The following PPM1L variants were observed in gnomAD, a reference collection of about 807,000 sequenced individuals.
The protein encoded by PPM1L is protein phosphatase, Mg2+/Mn2+ dependent 1L.
Under a neutral mutation model 31.4 loss-of-function variants are expected in PPM1L, and 13 were observed. The ratio of observed to expected loss-of-function variants is 0.41; its 90% CI spans 0.27 to 0.66. The LOEUF (loss-of-function observed/expected upper bound fraction) is 0.66, where lower values mean the gene tolerates loss of function less well. Among genes scored for constraint, PPM1L ranks in the 30% least tolerant of loss-of-function variants. The pLI, the probability that PPM1L is intolerant of heterozygous loss-of-function variation, is 0.29. For missense variants in PPM1L, 326 were observed against 453.7 expected (o/e 0.72, Z 2.56); for synonymous variants, 184 against 175.4 (o/e 1.05, Z -0.39).
intron 1 of PPM1L, among the ~76,000 whole-genome samples, chr3:160,880,232 C>A (rs1369415820): frequency 1.3e-5 from 2 of 152,018 alleles, no homozygotes; most frequent in African/African-American, 4.8e-5. Context: ...AGCATTCACC[C>A]CTACATTCCC....
intron 1 of PPM1L, among the ~76,000 whole-genome samples, chr3:160,865,805 T>C (rs1421428701): frequency 6.6e-6 from 1 of 152,092 alleles, no homozygotes; most frequent in Non-Finnish European, 1.5e-5. Context: ...TAAGACAAAT[T>C]GGTCTTTTAG....
intron 1 of PPM1L, among the ~76,000 whole-genome samples, chr3:160,783,120 G>A (rs963548734): frequency 6.6e-6 from 1 of 152,122 alleles, no homozygotes; most frequent in Non-Finnish European, 1.5e-5. Context: ...CCTTAAAAAG[G>A]CTTCCTCCTT....
intron 1 of PPM1L, among the ~76,000 whole-genome samples, chr3:160,860,936 A>T (rs1439398923): frequency 6.6e-6 from 1 of 152,208 alleles, no homozygotes; most frequent in African/African-American, 2.4e-5. Flanking sequence ...ACCTCCAAAT[A>T]TCATCACATT....
At chr3:160,827,721 C>G (rs975160982) in intron 1 of PPM1L, among the ~76,000 whole-genome samples, 1 of 152,044 alleles carries the variant, frequency 6.6e-6, no homozygotes, top group Non-Finnish European at 1.5e-5. Context: ...GAAACAGATT[C>G]ATGTGTGTAG....
chr3:161,035,436 T>C (rs901030186), intron 2 of PPM1L, among the ~76,000 whole-genome samples: 6 of 152,236 alleles, frequency 3.9e-5, no homozygotes, highest in Admixed American at 3.9e-4. Flanking sequence ...CTTCTAATTC[T>C]TTAGAAAGTG....
intron 2 of PPM1L, among the ~76,000 whole-genome samples, chr3:161,012,376 T>A (rs1717925671): frequency 6.6e-6 from 1 of 152,200 alleles, no homozygotes; most frequent in Non-Finnish European, 1.5e-5. Flanking sequence ...GCCCACTTGA[T>A]CATGGTGGAT....
intron 1 of PPM1L, among the ~76,000 whole-genome samples, chr3:160,764,222 C>T (rs1715043968): frequency 6.6e-6 from 1 of 152,138 alleles, no homozygotes; most frequent in Admixed American, 6.5e-5. Context: ...GCCACAAACT[C>T]CTGGGCTCAG....
intron 2 of PPM1L, among the ~76,000 whole-genome samples, chr3:160,981,124 T>C (rs1159655348): frequency 1.3e-5 from 2 of 152,226 alleles, no homozygotes; most frequent in Non-Finnish European, 2.9e-5. Context: ...AGTATTTGTA[T>C]GGGTTTAATA....
chr3:160,854,669 T>G (rs1298260092), intron 1 of PPM1L, among the ~76,000 whole-genome samples: 3 of 151,734 alleles, frequency 2.0e-5, no homozygotes, highest in African/African-American at 7.3e-5. Context: ...GGTAAAAGAT[T>G]TCAATGAGAA....
At chr3:161,006,250 A>T (rs1214363765) in intron 2 of PPM1L, among the ~76,000 whole-genome samples, 1 of 152,238 alleles carries the variant, frequency 6.6e-6, no homozygotes. Context: ...TAAGCTAGAC[A>T]TAAAAAAGAC....
At chr3:160,823,990 G>A (rs967655114) in intron 1 of PPM1L, among the ~76,000 whole-genome samples, 4 of 152,176 alleles carry the variant, frequency 2.6e-5, no homozygotes, top group Non-Finnish European at 4.4e-5. Flanking sequence ...ATTTCATATC[G>A]AGACAAAGTT....
chr3:160,973,764 G>GTTTTTTTTTTTTTTTTTTTTTT (rs75599237), intron 2 of PPM1L, among the ~76,000 whole-genome samples: 10 of 88,450 alleles, frequency 1.1e-4, no homozygotes, highest in Non-Finnish European at 2.0e-4. Context: ...GAAAGGCCCT[G>GTTTTTTTTTTTTTTTTTTTTTT]TTTTTTTTTT....
intron 1 of PPM1L, among the ~76,000 whole-genome samples, chr3:160,955,905 C>T (rs1715760887): frequency 6.6e-6 from 1 of 152,130 alleles, no homozygotes; most frequent in Admixed American, 6.6e-5. Flanking sequence ...CCGCCCGCCT[C>T]AGCCTCCCAA....
At chr3:160,807,937 CTA>C (rs988913474) in intron 1 of PPM1L, among the ~76,000 whole-genome samples, 1 of 151,844 alleles carries the variant, frequency 6.6e-6, no homozygotes, top group East Asian at 1.9e-4. Flanking sequence ...TTTATAAAGA[CTA>C]TGAGATGATA....
At chr3:160,963,840 A>C (rs1441484467) in intron 2 of PPM1L, among the ~76,000 whole-genome samples, 1 of 152,048 alleles carries the variant, frequency 6.6e-6, no homozygotes, top group Non-Finnish European at 1.5e-5. Flanking sequence ...TTTAGGGGCA[A>C]ATAGTTTGGC....
At chr3:160,842,282 C>T (rs1350875273) in intron 1 of PPM1L, 2 of 702,340 alleles carry the variant, frequency 2.8e-6, no homozygotes, top group African/African-American at 1.7e-5. Context: ...AACATGCCTG[C>T]TTTTTCAACA....
At chr3:161,049,560 A>T (rs1719202362) in intron 2 of PPM1L, among the ~76,000 whole-genome samples, 1 of 152,166 alleles carries the variant, frequency 6.6e-6, no homozygotes, top group Admixed American at 6.5e-5. Flanking sequence ...CTGGGTTCAA[A>T]ATCTTCGTCT....
intron 1 of PPM1L, among the ~76,000 whole-genome samples, chr3:160,761,812 A>G (rs2108055058): frequency 6.6e-6 from 1 of 152,166 alleles, no homozygotes; most frequent in Admixed American, 6.5e-5. Flanking sequence ...GGTGCATCTC[A>G]CATGGTGGCA....
intron 1 of PPM1L, among the ~76,000 whole-genome samples, chr3:160,803,190 C>T (rs1458491197): frequency 6.6e-6 from 1 of 152,202 alleles, no homozygotes; most frequent in Non-Finnish European, 1.5e-5. Flanking sequence ...TCCCCTCCCC[C>T]GAAAGTAGGC....
Sources: allele counts gnomAD v4.1 joint callset (sites outside exome capture counted in the v4.1 genomes callset), GRCh38; gene constraint gnomAD v4.1.1; transcripts MANE v1.5; gene names NCBI Gene and HGNC (gene_info 2026-07-23, HGNC 2026-07-21).